Variants in RNF150 observed in about 807,000 individuals in gnomAD.
The protein encoded by RNF150 is ring finger protein 150.
In RNF150, 24 loss-of-function variants were observed where a neutral mutation model predicts 39.3. The ratio of observed to expected loss-of-function variants is 0.61; its 90% CI spans 0.44 to 0.86. RNF150 has a LOEUF of 0.86. Ranked by LOEUF, RNF150 falls within the 40% of genes least tolerant of loss-of-function variation. The probability of loss-of-function intolerance (pLI) is 0.00; values close to 1 mark genes in which losing one functional copy is unlikely to be tolerated. For missense variants in RNF150, 502 were observed against 587.8 expected (o/e 0.85, Z 1.51); for synonymous variants, 255 against 227.3 (o/e 1.12, Z -1.10).
chr4:141,151,937 A>T (rs1378974403), intron 1 of RNF150, among the ~76,000 whole-genome samples: 3 of 152,210 alleles, frequency 2.0e-5, no homozygotes, highest in Non-Finnish European at 2.9e-5. Flanking sequence ...TGGTTGGAAA[A>T]TATTTAATTT....
chr4:140,861,142 C>T lies in RNF150; in HGVS notation c.*7119G>A, dbSNP rs1264301223. ...AAGCAGGAAGTAAATATATTATGTA[C>T]ATGTACAAAACACATCAGTATTTCA... On this transcript the variant is annotated 3_prime_UTR_variant, in exon 7 of 7. Coordinates refer to ENST00000515673, the MANE Select transcript of RNF150 (RefSeq NM_020724.2). The T allele has an allele frequency of 1.3e-5, 2 of 152,020 alleles. No homozygotes were observed. The highest frequency in any genetic ancestry group is 3.8e-4 in the East Asian group (2 of 5,196). 9.4% of individuals were successfully genotyped at this position (152,020 alleles called of 1,614,324 possible).
chr4:141,014,101 G>T (rs1408373951), intron 1 of RNF150, among the ~76,000 whole-genome samples: 1 of 151,954 alleles, frequency 6.6e-6, no homozygotes, highest in East Asian at 1.9e-4. Context: ...GTCTTTCCGT[G>T]CCTGGCTTAT....
intron 6 of RNF150, among the ~76,000 whole-genome samples, chr4:140,909,845 C>A (rs1730524155): frequency 6.6e-6 from 1 of 152,118 alleles, no homozygotes; most frequent in African/African-American, 2.4e-5. Flanking sequence ...TCCTATTTAT[C>A]AAAAACTAAT....
At chr4:141,012,493 C>T (rs1364386480) in intron 1 of RNF150, among the ~76,000 whole-genome samples, 1 of 152,136 alleles carries the variant, frequency 6.6e-6, no homozygotes, top group South Asian at 2.1e-4. Context: ...TAAACACATA[C>T]ATATATATTA....
intron 1 of RNF150, among the ~76,000 whole-genome samples, chr4:141,090,995 T>C (rs1233950500): frequency 2.6e-5 from 4 of 152,238 alleles, no homozygotes; most frequent in Admixed American, 2.0e-4. Flanking sequence ...AGCTCCACTC[T>C]ATTCTACTTG....
At chr4:140,869,488 C>T (rs986043300) in intron 6 of RNF150, among the ~76,000 whole-genome samples, 1 of 152,144 alleles carries the variant, frequency 6.6e-6, no homozygotes, top group Non-Finnish European at 1.5e-5. Flanking sequence ...CCCTACTGCA[C>T]ACTAAGGATT....
At chr4:141,104,116 C>T (rs943034840) in intron 1 of RNF150, among the ~76,000 whole-genome samples, 2 of 152,058 alleles carry the variant, frequency 1.3e-5, no homozygotes, top group African/African-American at 4.8e-5. Flanking sequence ...GAGTGAAGGT[C>T]AAGTTTCCTT....
intron 1 of RNF150, among the ~76,000 whole-genome samples, chr4:141,108,311 T>C (rs1373205096): frequency 6.6e-6 from 1 of 152,224 alleles, no homozygotes; most frequent in Non-Finnish European, 1.5e-5. Flanking sequence ...TTAAAATTTT[T>C]CTTCTAGTTT....
chr4:140,883,767 T>C (rs573437947), intron 6 of RNF150, among the ~76,000 whole-genome samples: 1 of 152,268 alleles, frequency 6.6e-6, no homozygotes, highest in African/African-American at 2.4e-5. Context: ...TAGACCTCTT[T>C]AGGTTTACCA....
At chr4:140,957,881 C>G (rs933651796) in intron 2 of RNF150, among the ~76,000 whole-genome samples, 18 of 131,668 alleles carry the variant, frequency 1.4e-4, no homozygotes, top group Non-Finnish European at 2.0e-4. Context: ...AGGGGAACGT[C>G]ACACTCTGGG....
chr4:141,067,302 C>G (rs535267276), intron 1 of RNF150, among the ~76,000 whole-genome samples: 1 of 152,124 alleles, frequency 6.6e-6, no homozygotes, highest in African/African-American at 2.4e-5. Flanking sequence ...TAAGCTATTG[C>G]TAAGTCAAAT....
intron 1 of RNF150, among the ~76,000 whole-genome samples, chr4:141,007,401 T>A (rs116073811): frequency 1.9e-3 from 286 of 152,320 alleles, no homozygotes; most frequent in Non-Finnish European, 3.2e-3. Flanking sequence ...GCCTAATTAG[T>A]AAGTTTTTCT....
Position 140,860,508 on chromosome 4 carries a change from C to T in RNF150, c.*7753G>A, listed in dbSNP as rs1728443814. 6.6e-6 allele frequency: 1 copy of T among 152,150 alleles called. No individual in the cohort carries two copies. The highest frequency in any genetic ancestry group is 2.4e-5 in the African/African-American group (1 of 41,428). The allele number at this position is 152,150 out of a possible 1,614,324, so 9.4% of individuals were successfully genotyped here. A position where few individuals can be genotyped will look rare whatever the true frequency, so the allele number is the denominator to read the frequency against. On this transcript the variant is annotated 3_prime_UTR_variant, in exon 7 of 7. Coordinates refer to ENST00000515673, the MANE Select transcript of RNF150 (RefSeq NM_020724.2). ...AGGATAGACAATGCCGAGATGGAAC[C>T]ATCATCTACTACCTGCAGACTAGCC...
chr4:141,047,260 A>C (rs182786159), intron 1 of RNF150, among the ~76,000 whole-genome samples: 26 of 152,238 alleles, frequency 1.7e-4, no homozygotes, highest in Non-Finnish European at 2.6e-4. Flanking sequence ...TTAAAACGCT[A>C]TGACAGTATT....
intron 1 of RNF150, among the ~76,000 whole-genome samples, chr4:141,156,150 C>A (rs1053853682): frequency 6.6e-6 from 1 of 151,758 alleles, no homozygotes; most frequent in African/African-American, 2.4e-5. Context: ...GCTGGAAACC[C>A]TGTTTCTAAG....
At chr4:140,868,827 A>G (rs187190586) in intron 6 of RNF150, among the ~76,000 whole-genome samples, 2 of 152,346 alleles carry the variant, frequency 1.3e-5, no homozygotes, top group East Asian at 1.9e-4. Context: ...AATCAATAAG[A>G]AAAACAGTTC....
chr4:140,969,783 A>G (rs1733391119), intron 1 of RNF150, among the ~76,000 whole-genome samples: 1 of 103,190 alleles, frequency 9.7e-6, no homozygotes, highest in Non-Finnish European at 1.9e-5. Context: ...TTTTTTTGAG[A>G]CAGAGTCTTG....
intron 1 of RNF150, among the ~76,000 whole-genome samples, chr4:141,200,847 T>A (rs2111216283): frequency 6.6e-6 from 1 of 152,322 alleles, no homozygotes; most frequent in Non-Finnish European, 1.5e-5. Flanking sequence ...AGTTCTGGCT[T>A]ACCATTGACC....
rs1423050628 is a variant in RNF150 at position 140,868,163 on chromosome 4, T to G, written c.*98A>C. The G allele has an allele frequency of 1.4e-6, 1 of 723,742 alleles. No homozygotes were observed. The highest frequency in any genetic ancestry group is 2.5e-6 in the Non-Finnish European group (1 of 404,528). 44.8% of individuals were successfully genotyped at this position (723,742 alleles called of 1,614,324 possible). On this transcript the variant is annotated 3_prime_UTR_variant, in exon 7 of 7. Transcript: ENST00000515673. The stretch of plus-strand genomic sequence containing the variant: ...ACGGAGCGCCCTGGAGTTGCCAAGG[T>G]GATCTGGAGGTGTGTGTGTGCCTGG...
Sources: gnomAD v4.1 joint callset for allele counts (sites outside exome capture counted in the v4.1 genomes callset) on GRCh38, gnomAD v4.1.1 for gene constraint, MANE v1.5 for transcripts, NCBI Gene and HGNC (gene_info 2026-07-23, HGNC 2026-07-21) for gene names.